Variants in SEZ6L observed in about 807,000 individuals in gnomAD.
SEZ6L encodes the protein seizure related 6 homolog like.
In SEZ6L, 37 loss-of-function variants were observed where a neutral mutation model predicts 106.2. The observed-to-expected ratio is 0.35, with a 90% CI of 0.27 to 0.46. The LOEUF (loss-of-function observed/expected upper bound fraction) is 0.46, where lower values mean the gene tolerates loss of function less well. Among genes scored for constraint, SEZ6L ranks in the 20% least tolerant of loss-of-function variants. The probability of loss-of-function intolerance (pLI) is 1.00; values close to 1 mark genes in which losing one functional copy is unlikely to be tolerated. For missense variants in SEZ6L, 1,172 were observed against 1,332.8 expected (o/e 0.88, Z 1.88); for synonymous variants, 541 against 570.4 (o/e 0.95, Z 0.73).
At chr22:26,239,887 C>A (rs1052129167) in intron 1 of SEZ6L, among the ~76,000 whole-genome samples, 1 of 151,942 alleles carries the variant, frequency 6.6e-6, no homozygotes, top group African/African-American at 2.4e-5. Context: ...CAACCCCAAT[C>A]CCCTCTGCCA....
At chr22:26,175,800 A>G (rs1476317828) in intron 1 of SEZ6L, among the ~76,000 whole-genome samples, 1 of 152,182 alleles carries the variant, frequency 6.6e-6, no homozygotes, top group East Asian at 1.9e-4. Flanking sequence ...AACCTAAACC[A>G]TTTCCTATCT....
intron 1 of SEZ6L, among the ~76,000 whole-genome samples, chr22:26,282,808 C>G (rs2080814615): frequency 6.6e-6 from 1 of 152,206 alleles, no homozygotes; most frequent in South Asian, 2.1e-4. Flanking sequence ...CAGCAGCACT[C>G]TCAAATAGAG....
chr22:26,296,533 C>A lies in SEZ6L; in HGVS notation c.970-355C>A, dbSNP rs375451654. On this transcript the variant is annotated intron_variant, in intron 3 of 16. Transcript: ENST00000248933. ...GATTGGATCTCAAGCACAAGCTGATCCAACTGCTGCCTCCACTCACCAGCT... is the reference window on the plus strand; with the variant it reads ...GATTGGATCTCAAGCACAAGCTGATACAACTGCTGCCTCCACTCACCAGCT... Among the ~76,000 whole-genome samples the A allele has an allele frequency of 7.4e-4, 112 of 152,286 alleles. 1 individual carries two copies. In the South Asian group the frequency reaches 0.023, roughly 31 times the overall value.
At chr22:26,227,160 T>A (rs1360766769) in intron 1 of SEZ6L, among the ~76,000 whole-genome samples, 1 of 152,210 alleles carries the variant, frequency 6.6e-6, no homozygotes, top group Non-Finnish European at 1.5e-5. Flanking sequence ...GAACATCTGC[T>A]GAATGAGTGG....
At chr22:26,290,142 T>C (rs1380317513) in intron 1 of SEZ6L, among the ~76,000 whole-genome samples, 1 of 152,174 alleles carries the variant, frequency 6.6e-6, no homozygotes, top group Non-Finnish European at 1.5e-5. Flanking sequence ...GTGAAGTCAT[T>C]AACCAGCAAT....
chr22:26,342,348 G>A (rs540654513), intron 10 of SEZ6L, among the ~76,000 whole-genome samples: 1 of 152,244 alleles, frequency 6.6e-6, no homozygotes, highest in South Asian at 2.1e-4. Flanking sequence ...CCCTGTGGTT[G>A]GAGCAAGATT....
intron 9 of SEZ6L, among the ~76,000 whole-genome samples, chr22:26,316,152 A>G (rs1389926158): frequency 6.6e-6 from 1 of 152,214 alleles, no homozygotes; most frequent in Non-Finnish European, 1.5e-5. Context: ...ATGCTTATTC[A>G]TTCATTCCAA....
intron 1 of SEZ6L, among the ~76,000 whole-genome samples, chr22:26,289,159 G>A (rs925829764): frequency 2.0e-5 from 3 of 152,184 alleles, no homozygotes; most frequent in Non-Finnish European, 4.4e-5. Context: ...GCCAAGATGG[G>A]ACACCACCCA....
chr22:26,193,191 G>GT (rs1422596084), intron 1 of SEZ6L, among the ~76,000 whole-genome samples: 1 of 152,218 alleles, frequency 6.6e-6, no homozygotes, highest in East Asian at 1.9e-4. Flanking sequence ...ATTGTGAGCA[G>GT]TTTGTGTGTC....
At chr22:26,188,852 A>G (rs1396214390) in intron 1 of SEZ6L, among the ~76,000 whole-genome samples, 2 of 152,200 alleles carry the variant, frequency 1.3e-5, no homozygotes, top group Non-Finnish European at 2.9e-5. Context: ...GTATTCTTTT[A>G]TAGTACCAGC....
In SEZ6L at chr22:26,296,942, G is replaced by A. The variant is rs1178915499; in HGVS notation, c.1024G>A (p.Gly342Ser). ...ACTGCTCTCCATCCGCGGGGTGGAC[G>A]GCCCTACCCTGACCGTCCTGGCCAA... is the stretch of plus-strand genomic sequence containing the variant. The part of the protein sequence containing the change: ...GELLSIRGVD[G>S]PTLTVLANQT... Residue 342 changes from glycine to serine, a missense_variant, in exon 4 of 17, where the codon GGC (glycine) becomes AGC (serine). By Grantham distance (56) the Gly-to-Ser change is moderately conservative. Coordinates refer to ENST00000248933, the MANE Select transcript of SEZ6L (RefSeq NM_021115.5). 11 of 1,613,060 alleles carry A rather than the reference G, an allele frequency of 6.8e-6. No individual in the cohort carries two copies. Among genetic ancestry groups the A allele is most frequent in the Admixed American group, 1.7e-5 (1 of 59,888 alleles).
At chr22:26,301,154 C>A (rs76400344) in intron 5 of SEZ6L, among the ~76,000 whole-genome samples, 2,861 of 152,304 alleles carry the variant, frequency 0.019, 38 homozygotes, top group Non-Finnish European at 0.027. Context: ...GTCACTTACT[C>A]AAAGCCTCCA....
intron 1 of SEZ6L, among the ~76,000 whole-genome samples, chr22:26,279,538 G>T (rs1321673807): frequency 6.6e-6 from 1 of 152,128 alleles, no homozygotes; most frequent in East Asian, 1.9e-4. Flanking sequence ...ATCTGTCCAT[G>T]TTCATCCTGA....
intron 12 of SEZ6L, among the ~76,000 whole-genome samples, chr22:26,355,307 C>T (rs2083406730): frequency 1.3e-5 from 2 of 152,220 alleles, no homozygotes; most frequent in South Asian, 4.1e-4. Context: ...CTAACTCAAG[C>T]CTGACTAAAC....
rs1280473298 is a variant in SEZ6L at position 26,239,316 on chromosome 22, A to G, written c.95-53090A>G. ...GTCCCCTATCCCCAGCACACACCTC[A>G]GCATTTGCTCATAGTAGATGGTCAA... On this transcript the variant is annotated intron_variant, in intron 1 of 16. Transcript: ENST00000248933. 2.6e-5 allele frequency among the ~76,000 whole-genome samples: 4 copies of G among 152,200 alleles called. No homozygotes were observed. In the East Asian group the frequency reaches 7.7e-4, roughly 29 times the overall value.
intron 4 of SEZ6L, 103 bp from the exon 5 acceptor site, chr22:26,298,881 C>T (rs1173272495): frequency 3.6e-6 from 4 of 1,117,184 alleles, no homozygotes; most frequent in Admixed American, 3.1e-5. Flanking sequence ...CCCCAGGGGC[C>T]TCATCTTCTC....
intron 10 of SEZ6L, among the ~76,000 whole-genome samples, chr22:26,345,847 A>G (rs997909350): frequency 6.6e-5 from 10 of 152,220 alleles, no homozygotes; most frequent in African/African-American, 2.4e-4. Context: ...ATAGTTTGCC[A>G]TGCATTGCTA....
chr22:26,341,537 C>T (rs1052972098), intron 10 of SEZ6L, among the ~76,000 whole-genome samples: 1 of 152,146 alleles, frequency 6.6e-6, no homozygotes, highest in Admixed American at 6.5e-5. Context: ...TACCAATATC[C>T]GTTGACCGGT....
intron 1 of SEZ6L, among the ~76,000 whole-genome samples, chr22:26,239,256 G>C (rs904300948): frequency 1.3e-5 from 2 of 152,156 alleles, no homozygotes; most frequent in Non-Finnish European, 2.9e-5. Flanking sequence ...GGCCAGCTGG[G>C]GGGCAGGGTG....
Sources: gnomAD v4.1 joint callset for allele counts (sites outside exome capture counted in the v4.1 genomes callset) on GRCh38, gnomAD v4.1.1 for gene constraint, MANE v1.5 for transcripts, NCBI Gene and HGNC (gene_info 2026-07-23, HGNC 2026-07-21) for gene names.